The following HEATR5B variants were observed in gnomAD, a reference collection of about 807,000 sequenced individuals.
The protein encoded by HEATR5B is HEAT repeat-containing protein 5B.
In HEATR5B, 156 loss-of-function variants were observed where a neutral mutation model predicts 224.1. That is an observed-to-expected ratio of 0.70 (90% CI 0.61 to 0.80). HEATR5B has a LOEUF of 0.80. Ranked by LOEUF, HEATR5B falls within the 30% of genes least tolerant of loss-of-function variation. HEATR5B has a pLI of 0.00. For missense variants in HEATR5B, 2,323 were observed against 2,535.5 expected (o/e 0.92, Z 1.80); for synonymous variants, 1,027 against 893.0 (o/e 1.15, Z -2.68).
At chr2:36,993,480 T>C (rs1212768750) in intron 33 of HEATR5B, among the ~76,000 whole-genome samples, 1 of 150,698 alleles carries the variant, frequency 6.6e-6, no homozygotes, top group Non-Finnish European at 1.5e-5. Context: ...GACGTGGAGG[T>C]TGCGGTGAGC....
intron 24 of HEATR5B, among the ~76,000 whole-genome samples, chr2:37,021,520 C>A (rs920741744): frequency 2.0e-5 from 3 of 152,124 alleles, no homozygotes; most frequent in Non-Finnish European, 4.4e-5. Context: ...GAGAAATCAT[C>A]CCTCTCTCTA....
intron 22 of HEATR5B, among the ~76,000 whole-genome samples, chr2:37,031,939 C>A (rs1669160084): frequency 9.1e-6 from 1 of 110,474 alleles, no homozygotes; most frequent in Non-Finnish European, 2.0e-5. Flanking sequence ...AGAAAGATAG[C>A]AGAAGACCAC....
At chr2:37,060,817 A>C in intron 11 of HEATR5B, 84 bp from the exon 12 acceptor site, 1 of 1,113,080 alleles carries the variant, frequency 9.0e-7, no homozygotes, top group Non-Finnish European at 1.3e-6. Context: ...CCCAACACAA[A>C]CTTTATGTAA....
intron 28 of HEATR5B, 82 bp from the exon 29 acceptor site, chr2:37,007,386 C>T (rs927061167): frequency 1.4e-6 from 2 of 1,411,638 alleles, no homozygotes; most frequent in African/African-American, 3.0e-5. Flanking sequence ...TTCTGTCGCC[C>T]AGGCTGGAGT....
chr2:37,048,474 C>T (rs749021110), intron 18 of HEATR5B, among the ~76,000 whole-genome samples: 12 of 151,486 alleles, frequency 7.9e-5, no homozygotes, highest in Non-Finnish European at 1.3e-4. Flanking sequence ...CAAAAGATAA[C>T]GCGCCCAGCC....
At chr2:37,053,226 C>T (rs943545786) in intron 17 of HEATR5B, among the ~76,000 whole-genome samples, 1 of 152,200 alleles carries the variant, frequency 6.6e-6, no homozygotes, top group Non-Finnish European at 1.5e-5. Context: ...CGATTTCATT[C>T]GTCAAACATC....
Position 37,034,570 on chromosome 2 carries a change from G to C in HEATR5B, c.3217-1797C>G, listed in dbSNP as rs542377067. On this transcript the variant is annotated intron_variant, in intron 21 of 35. Coordinates refer to ENST00000233099, the MANE Select transcript of HEATR5B (RefSeq NM_019024.3). ...GGAGCTTGCAGTGAGCCGAGATCCC[G>C]CCACTGCACTCCAGCCTGGGCGACA... 1.2e-4 allele frequency among the ~76,000 whole-genome samples: 14 copies of C among 119,626 alleles called. No homozygotes were observed. In the South Asian group the frequency reaches 4.1e-3, roughly 35 times the overall value. The allele number at this position is 119,626 out of a possible 152,430, so 78.5% of individuals were successfully genotyped here.
chr2:37,032,479 AT>A (rs1438524390), intron 22 of HEATR5B, 149 bp downstream of exon 22: 55 of 799,440 alleles, frequency 6.9e-5, no homozygotes, highest in Non-Finnish European at 1.0e-4. Flanking sequence ...AGAAAACCAC[AT>A]TGGAATTTTA....
chr2:36,995,474 T>C (rs977321531), intron 33 of HEATR5B, among the ~76,000 whole-genome samples: 3 of 152,164 alleles, frequency 2.0e-5, no homozygotes, highest in African/African-American at 7.2e-5. Context: ...AGAAACAAAA[T>C]ACCAGCTCTT....
rs139455143 is a variant in HEATR5B at position 37,048,043 on chromosome 2, A to G, written c.2696+1610T>C. ...ATCTTCGTAATAATTATTTCAGATC[A>G]TAAGGATTTGAAAAAGATAATGAAG... is the stretch of plus-strand genomic sequence containing the variant. On this transcript the variant is annotated intron_variant, in intron 18 of 35. Transcript: ENST00000233099. 2.6e-5 allele frequency among the ~76,000 whole-genome samples: 4 copies of G among 152,364 alleles called. No homozygotes were observed. The East Asian group carries it at 5.8e-4, about 22-fold the overall frequency.
At chr2:37,073,410 A>G (rs1198826676) in intron 5 of HEATR5B, among the ~76,000 whole-genome samples, 1 of 152,130 alleles carries the variant, frequency 6.6e-6, no homozygotes, top group Non-Finnish European at 1.5e-5. Context: ...CGCCTGGCTA[A>G]TTTTTTTATT....
At chr2:37,005,947 A>G (rs1667388638) in intron 29 of HEATR5B, among the ~76,000 whole-genome samples, 188 bp from the exon 30 acceptor site, 1 of 152,234 alleles carries the variant, frequency 6.6e-6, no homozygotes, top group Non-Finnish European at 1.5e-5. Context: ...TAGTTTTGCA[A>G]TTAGGTTAAT....
At chr2:37,052,845 A>G (rs1031759689) in intron 17 of HEATR5B, among the ~76,000 whole-genome samples, 3 of 152,234 alleles carry the variant, frequency 2.0e-5, no homozygotes, top group African/African-American at 7.2e-5. Context: ...GGCAAGATGG[A>G]ACAGGACAGT....
At chr2:37,078,865 C>T (rs1672384105) in intron 3 of HEATR5B, among the ~76,000 whole-genome samples, 1 of 152,234 alleles carries the variant, frequency 6.6e-6, no homozygotes, top group African/African-American at 2.4e-5. Flanking sequence ...CCCAACAAAT[C>T]TCTAAAATCC....
chr2:36,981,834 G>A (rs1227729654), intron 35 of HEATR5B, 40 bp from the exon 36 acceptor site: 1 of 1,458,652 alleles, frequency 6.9e-7, no homozygotes, highest in Non-Finnish European at 9.3e-7. Context: ...ACAAACATAA[G>A]GATTATAATA....
At chr2:37,017,415 T>G (rs1158029093) in intron 26 of HEATR5B, among the ~76,000 whole-genome samples, 4 of 147,808 alleles carry the variant, frequency 2.7e-5, no homozygotes, top group Non-Finnish European at 4.5e-5. Context: ...ACAGGTGCGG[T>G]GGCTCACACC....
chr2:37,009,256 CAAAAAAA>C (rs57022846), intron 27 of HEATR5B, among the ~76,000 whole-genome samples: 2 of 65,678 alleles, frequency 3.0e-5, no homozygotes, highest in Admixed American at 1.8e-4. Flanking sequence ...GACTCTGTCT[CAAAAAAA>C]AAAAAAAAAA....
At chr2:37,065,957 G>T in intron 8 of HEATR5B, 47 bp from the exon 9 acceptor site, 2 of 1,550,384 alleles carry the variant, frequency 1.3e-6, no homozygotes. Context: ...ATGAATTGTG[G>T]TATGATTTTT....
intron 16 of HEATR5B, 136 bp downstream of exon 16, chr2:37,056,304 A>G (rs1168109628): frequency 3.7e-6 from 2 of 537,880 alleles, no homozygotes; most frequent in Non-Finnish European, 6.2e-6. Context: ...CACTTACATT[A>G]GTAAATCTGT....
Sources: gnomAD v4.1 joint callset for allele counts (sites outside exome capture counted in the v4.1 genomes callset) on GRCh38, gnomAD v4.1.1 for gene constraint, MANE v1.5 for transcripts, NCBI Gene and HGNC (gene_info 2026-07-23, HGNC 2026-07-21) for gene names.